Variants in MACROD2 observed in about 807,000 individuals in gnomAD.
The protein encoded by MACROD2 is ADP-ribose glycohydrolase MACROD2.
A neutral mutation model predicts 70.4 loss-of-function variants in MACROD2; 36 were observed. That is an observed-to-expected ratio of 0.51 (90% CI 0.39 to 0.68). MACROD2 has a LOEUF of 0.68. MACROD2 is among the 30% of genes least tolerant of loss of function. The probability of loss-of-function intolerance (pLI) is 0.00; values close to 1 mark genes in which losing one functional copy is unlikely to be tolerated. For missense variants in MACROD2, 496 were observed against 538.4 expected (o/e 0.92, Z 0.78); for synonymous variants, 172 against 178.8 (o/e 0.96, Z 0.30).
At chr20:14,976,727 A>G (rs981697576) in intron 5 of MACROD2, among the ~76,000 whole-genome samples, 2 of 152,108 alleles carry the variant, frequency 1.3e-5, no homozygotes, top group Admixed American at 1.3e-4. Context: ...CTTAGAATCA[A>G]ATCATCACTT....
chr20:15,421,426 A>G (rs2046227001), intron 6 of MACROD2, among the ~76,000 whole-genome samples: 1 of 152,140 alleles, frequency 6.6e-6, no homozygotes, highest in East Asian at 1.9e-4. Flanking sequence ...GTTGCATGTT[A>G]CAGCAAAATT....
intron 8 of MACROD2, among the ~76,000 whole-genome samples, chr20:15,610,876 A>G (rs1260234566): frequency 6.6e-6 from 1 of 152,162 alleles, no homozygotes; most frequent in Non-Finnish European, 1.5e-5. Flanking sequence ...GGCCTCATGC[A>G]GAAGGCAGAA....
chr20:14,590,955 A>G (rs1981726608), intron 4 of MACROD2, among the ~76,000 whole-genome samples: 1 of 152,178 alleles, frequency 6.6e-6, no homozygotes, highest in African/African-American at 2.4e-5. Flanking sequence ...TTTTAGAGAC[A>G]TACATTATGG....
At chr20:14,690,193 A>G (rs2071047312) in intron 5 of MACROD2, among the ~76,000 whole-genome samples, 1 of 152,194 alleles carries the variant, frequency 6.6e-6, no homozygotes, top group African/African-American at 2.4e-5. Context: ...TCAGGGCTGA[A>G]TAGTCATCAA....
At chr20:14,229,390 C>A (rs2081778682) in intron 3 of MACROD2, among the ~76,000 whole-genome samples, 1 of 152,090 alleles carries the variant, frequency 6.6e-6, no homozygotes, top group African/African-American at 2.4e-5. Context: ...AAGAAAACAA[C>A]TCAAGTAAAA....
chr20:15,144,839 T>A (rs1395116611), intron 5 of MACROD2, among the ~76,000 whole-genome samples: 1 of 152,196 alleles, frequency 6.6e-6, no homozygotes, highest in Non-Finnish European at 1.5e-5. Context: ...TGGTTCTATA[T>A]TCTGTTCTAT....
chr20:14,824,955 G>T lies in MACROD2; in HGVS notation c.418+139996G>T, dbSNP rs144210649. Among the ~76,000 whole-genome samples the T allele has an allele frequency of 5.3e-5, 8 of 152,190 alleles. 1 individual carries two copies. The East Asian group carries it at 1.5e-3, about 29-fold the overall frequency. ...CCATTTTCCATTTAAGATAAATGAGGTTCAAAATGTTTTAAATGACCTGCA... is the reference window on the plus strand; with the variant it reads ...CCATTTTCCATTTAAGATAAATGAGTTTCAAAATGTTTTAAATGACCTGCA... On this transcript the variant is annotated intron_variant, in intron 5 of 17. Transcript: ENST00000684519.
chr20:14,156,098 G>C (rs898174860), intron 3 of MACROD2, among the ~76,000 whole-genome samples: 28 of 152,114 alleles, frequency 1.8e-4, no homozygotes, highest in African/African-American at 6.5e-4. Flanking sequence ...GAAAGCTGAG[G>C]CTGCAGTGAT....
chr20:14,701,684 C>T (rs2071198507), intron 5 of MACROD2, among the ~76,000 whole-genome samples: 1 of 151,974 alleles, frequency 6.6e-6, no homozygotes. Context: ...GCAATTTTCC[C>T]TTCGTATAAT....
chr20:15,149,761 A>G (rs988647625), intron 5 of MACROD2, among the ~76,000 whole-genome samples: 1 of 152,074 alleles, frequency 6.6e-6, no homozygotes, highest in African/African-American at 2.4e-5. Context: ...CAAAGAAGCT[A>G]CAGGACGCAA....
chr20:15,603,143 T>C (rs2048845758), intron 8 of MACROD2, among the ~76,000 whole-genome samples: 1 of 152,122 alleles, frequency 6.6e-6, no homozygotes, highest in Admixed American at 6.5e-5. Context: ...GGAGCTTCCT[T>C]ATTTAGACTT....
chr20:15,569,609 T>C (rs759067932), intron 8 of MACROD2, among the ~76,000 whole-genome samples: 16 of 152,182 alleles, frequency 1.1e-4, no homozygotes, highest in African/African-American at 1.4e-4. Context: ...ATCAGATTTT[T>C]TGGATCTGCA....
intron 5 of MACROD2, among the ~76,000 whole-genome samples, chr20:15,001,092 A>G (rs953901164): frequency 6.6e-6 from 1 of 152,204 alleles, no homozygotes; most frequent in East Asian, 1.9e-4. Context: ...GATCTCAAGA[A>G]TAATGGTGGG....
intron 8 of MACROD2, among the ~76,000 whole-genome samples, chr20:15,558,539 C>T (rs1437830387): frequency 6.6e-6 from 1 of 152,254 alleles, no homozygotes; most frequent in Non-Finnish European, 1.5e-5. Flanking sequence ...CCCCAACCCA[C>T]ATCTTGGTGA....
At chr20:14,070,408 T>C (rs2053822526) in intron 2 of MACROD2, among the ~76,000 whole-genome samples, 1 of 152,070 alleles carries the variant, frequency 6.6e-6, no homozygotes, top group South Asian at 2.1e-4. Context: ...TTTCAAGAAA[T>C]GATCTCAGAA....
chr20:14,401,501 T>C (rs546012034), intron 3 of MACROD2, among the ~76,000 whole-genome samples: 8 of 152,334 alleles, frequency 5.3e-5, no homozygotes, highest in African/African-American at 1.9e-4. Flanking sequence ...ACAGATATTG[T>C]ATTTTTTTCC....
intron 5 of MACROD2, among the ~76,000 whole-genome samples, chr20:14,697,142 C>T (rs1041606): frequency 0.21 from 31,408 of 152,062 alleles, 3,474 homozygotes; most frequent in Non-Finnish European, 0.24. Flanking sequence ...CCAGGAAATC[C>T]GTTGGCTGGC....
intron 5 of MACROD2, among the ~76,000 whole-genome samples, chr20:14,747,577 G>A (rs1025000428): frequency 1.3e-5 from 2 of 152,082 alleles, no homozygotes; most frequent in African/African-American, 4.8e-5. Context: ...TAAAGAGCAG[G>A]CATTTCACTC....
chr20:15,510,835 A>C (rs1436591666), intron 8 of MACROD2, among the ~76,000 whole-genome samples: 1 of 152,236 alleles, frequency 6.6e-6, no homozygotes, highest in Non-Finnish European at 1.5e-5. Context: ...GCTGTCCTGC[A>C]ATCAGTTATG....
Sources: gnomAD v4.1 joint callset for allele counts (sites outside exome capture counted in the v4.1 genomes callset) on GRCh38, gnomAD v4.1.1 for gene constraint, MANE v1.5 for transcripts, NCBI Gene and HGNC (gene_info 2026-07-23, HGNC 2026-07-21) for gene names.